TEX36: variants seen among roughly 807,000 people sequenced by gnomAD.
TEX36 encodes testis-expressed protein 36.
In TEX36, 12 loss-of-function variants were observed where a neutral mutation model predicts 13.6. The observed-to-expected ratio is 0.88, with a 90% CI of 0.56 to 1.43. The LOEUF is 1.43. TEX36 is among the 40% of genes most tolerant of loss of function. The probability of loss-of-function intolerance (pLI) is 0.00; values close to 1 mark genes in which losing one functional copy is unlikely to be tolerated. For synonymous variants in TEX36, 93 were observed against 83.0 expected (o/e 1.12, Z -0.65); for missense variants, 224 against 228.3 (o/e 0.98, Z 0.12).
At chr10:125,636,265 G>T (rs1846622463) in intron 3 of TEX36, among the ~76,000 whole-genome samples, 1 of 149,078 alleles carries the variant, frequency 6.7e-6, no homozygotes, top group Non-Finnish European at 1.5e-5. Context: ...GAATGCAGTG[G>T]TGTGGTCTTG....
intron 3 of TEX36, among the ~76,000 whole-genome samples, chr10:125,591,749 C>T (rs746296441): frequency 6.6e-6 from 1 of 152,196 alleles, no homozygotes; most frequent in African/African-American, 2.4e-5. Context: ...AAATATCCCT[C>T]AGACTCAGAG....
At chr10:125,585,687 C>G (rs11594324) in intron 3 of TEX36, among the ~76,000 whole-genome samples, 46,736 of 152,128 alleles carry the variant, frequency 0.31, 8,840 homozygotes, top group East Asian at 0.47. Flanking sequence ...TGGGTTCCCC[C>G]ACAAAACTCA....
chr10:125,646,288 T>C (rs1399367124), intron 3 of TEX36, among the ~76,000 whole-genome samples: 1 of 152,172 alleles, frequency 6.6e-6, no homozygotes, highest in Non-Finnish European at 1.5e-5. Flanking sequence ...ATTATGCAAC[T>C]GCACACCAGC....
chr10:125,607,048 C>T (rs1589751989), intron 3 of TEX36, among the ~76,000 whole-genome samples: 1 of 152,200 alleles, frequency 6.6e-6, no homozygotes, highest in East Asian at 1.9e-4. Context: ...CATGCAAATG[C>T]TTACAGAAAG....
At chr10:125,615,830 A>G (rs1318427973) in intron 3 of TEX36, among the ~76,000 whole-genome samples, 1 of 152,002 alleles carries the variant, frequency 6.6e-6, no homozygotes, top group Non-Finnish European at 1.5e-5. Flanking sequence ...CTCTTTTTCT[A>G]TTGATTGGAA....
At chr10:125,644,461 C>T (rs567361426) in intron 3 of TEX36, among the ~76,000 whole-genome samples, 3 of 152,188 alleles carry the variant, frequency 2.0e-5, no homozygotes, top group African/African-American at 7.2e-5. Flanking sequence ...GTGAAATACC[C>T]TACCTAATTC....
intron 3 of TEX36, among the ~76,000 whole-genome samples, chr10:125,635,791 CT>C (rs1416308814): frequency 6.6e-6 from 1 of 152,082 alleles, no homozygotes; most frequent in Non-Finnish European, 1.5e-5. Flanking sequence ...TGGGTTCCAC[CT>C]CCAGCCCAGA....
chr10:125,682,343 T>C (rs1483017), intron 1 of TEX36, among the ~76,000 whole-genome samples: 6,852 of 152,264 alleles, frequency 0.045, 217 homozygotes, highest in South Asian at 0.16. Flanking sequence ...AGCGTGAAGC[T>C]GGAAAGGGAA....
intron 3 of TEX36, among the ~76,000 whole-genome samples, chr10:125,612,440 G>A (rs561970981): frequency 1.3e-5 from 2 of 152,256 alleles, no homozygotes; most frequent in African/African-American, 4.8e-5. Flanking sequence ...CAGGGAAACT[G>A]AGGCTTTCTG....
intron 1 of TEX36, chr10:125,667,214 G>T: frequency 1.6e-6 from 1 of 640,982 alleles, no homozygotes; most frequent in South Asian, 1.4e-5. Flanking sequence ...ATCTCCTCGT[G>T]AGAAAACTTC....
rs1427736700 is a variant in TEX36, at chr10:125,616,591, G to A, written c.265-39717C>T. ...TTGTTCAGTTTCCATGTAGTTGAGC[G>A]GTTTTGAGTGAGATTCTTAATCCTG... On this transcript the variant is annotated intron_variant, in intron 3 of 3. Transcript: ENST00000532135. Among the ~76,000 whole-genome samples the A allele has an allele frequency of 3.7e-3, 354 of 95,482 alleles. 2 individuals carry two copies. Among genetic ancestry groups the A allele is most frequent in the African/African-American group, 0.013 (331 of 24,532 alleles). The allele number at this position is 95,482 out of a possible 152,430, so 62.6% of individuals were successfully genotyped here.
At position 125,624,889 on chromosome 10, in the gene TEX36, G is replaced by A. The variant is rs527625414; in HGVS notation, c.265-3244C>T. ...TTTTTGCATAAAGAGATAAGGAAGG[G>A]GCACAAAGGCGGGCACAGATGTCCA... On this transcript the variant is annotated intron_variant, in intron 3 of 3. Transcript: ENST00000526819. Among the ~76,000 whole-genome samples the A allele has an allele frequency of 2.0e-5, 3 of 152,188 alleles. No individual in the cohort carries two copies. In the South Asian group the frequency reaches 6.2e-4, roughly 32 times the overall value.
intron 1 of TEX36, among the ~76,000 whole-genome samples, chr10:125,663,607 G>A (rs532560987): frequency 6.6e-6 from 1 of 152,286 alleles, no homozygotes; most frequent in African/African-American, 2.4e-5. Flanking sequence ...GGGATAAGAT[G>A]ATATCTCATC....
At chr10:125,626,791 T>C (rs932310355) in intron 3 of TEX36, among the ~76,000 whole-genome samples, 2 of 152,116 alleles carry the variant, frequency 1.3e-5, no homozygotes, top group Non-Finnish European at 2.9e-5. Flanking sequence ...ATCCCAGCAG[T>C]GCAAGAAACC....
chr10:125,666,860 G>A (rs7098714), intron 1 of TEX36: 23 of 354,922 alleles, frequency 6.5e-5, no homozygotes, highest in African/African-American at 1.9e-4. Context: ...GGGAACAGCC[G>A]GGGAACACCT....
At chr10:125,651,066 G>A, downstream of TEX36, among the ~76,000 whole-genome samples, 1 of 152,178 alleles carries the variant, frequency 6.6e-6, no homozygotes, top group Non-Finnish European at 1.5e-5. Flanking sequence ...TCTACCAGAG[G>A]TACAAAGAGT....
intron 3 of TEX36, among the ~76,000 whole-genome samples, chr10:125,656,411 C>G (rs1846945831): frequency 1.3e-5 from 2 of 151,854 alleles, no homozygotes; most frequent in African/African-American, 4.8e-5. Flanking sequence ...TGGACCCCAC[C>G]ACGCCTGGCT....
rs191817090 is a variant in TEX36, at chr10:125,649,350, T to A, written c.264+11671A>T. ...GCCAGAAGAGAGTGGGGGGCCAATA[T>A]TCAACATTCTTAAAGAATTTTCAAC... is the stretch of plus-strand genomic sequence containing the variant. On this transcript the variant is annotated intron_variant, in intron 3 of 3. Coordinates refer to the TEX36 transcript ENST00000526819. 5.9e-5 allele frequency among the ~76,000 whole-genome samples: 9 copies of A among 152,314 alleles called. No homozygotes were observed. The East Asian group carries it at 1.7e-3, about 29-fold the overall frequency.
Position 125,640,086 on chromosome 10 carries a change from C to T in TEX36, c.265-18441G>A, listed in dbSNP as rs57248416. 5,217 of 869,440 alleles carry T rather than the reference C, an allele frequency of 6.0e-3. 214 individuals are homozygous for T. The African/African-American group carries it at 0.086, about 14-fold the overall frequency. 53.9% of individuals were successfully genotyped at this position (869,440 alleles called of 1,614,324 possible). A position where few individuals can be genotyped will look rare whatever the true frequency, so the allele number is the denominator to read the frequency against. On this transcript the variant is annotated intron_variant, in intron 3 of 3. Coordinates refer to the TEX36 transcript ENST00000526819. ...TTATCCCGTCAGTAGCTATATGGAA[C>T]GTGGATAATGAGCAAAGTTGTTTTT... is the stretch of plus-strand genomic sequence containing the variant.
Sources: allele counts gnomAD v4.1 joint callset (sites outside exome capture counted in the v4.1 genomes callset), GRCh38; gene constraint gnomAD v4.1.1; transcripts MANE v1.5; gene names NCBI Gene and HGNC (gene_info 2026-07-23, HGNC 2026-07-21).